APAF1: variants seen among roughly 807,000 people sequenced by gnomAD.
The protein encoded by APAF1 is apoptotic protease-activating factor 1.
APAF1 carries 91 observed loss-of-function variants against 152.4 expected under a neutral mutation model. The ratio of observed to expected loss-of-function variants is 0.60; its 90% CI spans 0.50 to 0.71. The LOEUF (loss-of-function observed/expected upper bound fraction) is 0.71, where lower values mean the gene tolerates loss of function less well. APAF1 is among the 30% of genes least tolerant of loss of function. The probability of loss-of-function intolerance (pLI) is 0.00; values close to 1 mark genes in which losing one functional copy is unlikely to be tolerated. For synonymous variants in APAF1, 484 were observed against 494.1 expected (o/e 0.98, Z 0.27); for missense variants, 1,283 against 1,472.0 (o/e 0.87, Z 2.10).
Position 98,648,733 on chromosome 12 carries a change from T to A in APAF1, c.246T>A (p.Asp82Glu), listed in dbSNP as rs1320603249. Residue 82 changes from aspartate (D) to glutamate (E), a missense_variant, in exon 3 of 27, where the codon GAT (aspartate) becomes GAA (glutamate). Physicochemically the swap from Asp to Glu is conservative, Grantham distance 45. Transcript: ENST00000551964. Reference sequence around the variant, plus strand: ...CTCTACTACATGAAGGATATAAAGATCTTGCTGCCCTTCTCCATGATGGCA... The same window carrying A: ...CTCTACTACATGAAGGATATAAAGAACTTGCTGCCCTTCTCCATGATGGCA... The part of the protein sequence containing the change: ...YNALLHEGYK[D>E]LAALLHDGIP... 6.2e-7 allele frequency: 1 copy of A among 1,614,036 alleles called. No individual in the cohort carries two copies.
chr12:98,669,017 T>C (rs935464340), intron 10 of APAF1, among the ~76,000 whole-genome samples: 4 of 152,222 alleles, frequency 2.6e-5, no homozygotes, highest in African/African-American at 9.6e-5. Flanking sequence ...TGCTCAGGTA[T>C]GTTATTTCTT....
intron 12 of APAF1, among the ~76,000 whole-genome samples, chr12:98,675,895 T>C (rs1046878569): frequency 6.6e-6 from 1 of 152,254 alleles, no homozygotes; most frequent in Non-Finnish European, 1.5e-5. Context: ...TGTGTGTGGT[T>C]AAGTTTTTTG....
At chr12:98,716,929 G>T (rs1426771656) in intron 22 of APAF1, among the ~76,000 whole-genome samples, 1 of 151,710 alleles carries the variant, frequency 6.6e-6, no homozygotes, top group Non-Finnish European at 1.5e-5. Flanking sequence ...GCAGTGGCGC[G>T]ATCTTGGCTC....
At chr12:98,653,692 ATATAT>A (rs1381616244) in intron 4 of APAF1, among the ~76,000 whole-genome samples, 1 of 15,062 alleles carries the variant, frequency 6.6e-5, no homozygotes, top group African/African-American at 2.3e-4. Context: ...AAAAAAAAAA[ATATAT>A]ATATATATAT....
chr12:98,697,873 G>T (rs1201909030), intron 16 of APAF1, among the ~76,000 whole-genome samples: 2 of 152,080 alleles, frequency 1.3e-5, no homozygotes, highest in Non-Finnish European at 2.9e-5. Context: ...CATTTTGTAG[G>T]GTATCATGTT....
intron 9 of APAF1, among the ~76,000 whole-genome samples, chr12:98,666,823 G>A (rs1276371394): frequency 6.6e-6 from 1 of 151,356 alleles, no homozygotes; most frequent in Non-Finnish European, 1.5e-5. Flanking sequence ...TTTCTCAGTG[G>A]CGTCATAGGC....
At chr12:98,723,152 TC>T (rs770582842) in intron 22 of APAF1, 40 bp from the exon 23 acceptor site, 71 of 1,603,000 alleles carry the variant, frequency 4.4e-5, no homozygotes, top group Non-Finnish European at 1.7e-5. Context: ...TGAGATAGGA[TC>T]GGGGGAGGAT....
rs748810396 is a variant in APAF1 at position 98,718,399 on chromosome 12, A to AT, written c.3084+2854dup. ...AGGCACCTGCCATCACATGCAGCTAATTTTTTTGTATTTTTAGTAGAGACA... is the reference window on the plus strand; with the variant it reads ...AGGCACCTGCCATCACATGCAGCTAATTTTTTTTGTATTTTTAGTAGAGACA... On this transcript the variant is annotated intron_variant, in intron 22 of 26. Transcript: ENST00000551964. Among the ~76,000 whole-genome samples the AT allele has an allele frequency of 4.3e-4, 65 of 151,810 alleles. 1 individual carries two copies. Among genetic ancestry groups the AT allele is most frequent in the Non-Finnish European group, 7.9e-4 (54 of 67,950 alleles).
chr12:98,648,476 A>C lies in APAF1; in HGVS notation c.117A>C (p.Glu39Asp). Residue 39 changes from glutamate to aspartate, a missense_variant, in exon 2 of 27, where the codon GAA becomes GAC. Transcript: ENST00000551964. ...MISDGFLTIS[E>D]EEKVRNEPTQ... ...GTGATGGATTTTTAACAATATCAGA[A>C]GAGGAAAAAGTAAGAAATGAGGTAA... 1 of 1,613,932 alleles carries C rather than the reference A, an allele frequency of 6.2e-7. No homozygotes were observed. The highest frequency in any genetic ancestry group is 8.5e-7 in the Non-Finnish European group (1 of 1,179,928).
At chr12:98,691,944 A>G (rs2097704677) in intron 16 of APAF1, among the ~76,000 whole-genome samples, 1 of 152,142 alleles carries the variant, frequency 6.6e-6, no homozygotes, top group South Asian at 2.1e-4. Context: ...GTCATCTGCA[A>G]CCTTCATTTT....
At chr12:98,708,483 A>G in intron 19 of APAF1, 102 bp from the exon 20 acceptor site, 1 of 1,186,148 alleles carries the variant, frequency 8.4e-7, no homozygotes, top group Non-Finnish European at 1.2e-6. Flanking sequence ...AAACCTTTCT[A>G]GCATCATAGG....
rs1444871075 is a variant in APAF1 at position 98,666,248 on chromosome 12, T to C, written c.1253T>C (p.Phe418Ser). The C allele has an allele frequency of 3.1e-6, 5 of 1,613,852 alleles. No homozygotes were observed. The highest frequency in any genetic ancestry group is 4.2e-6 in the Non-Finnish European group (5 of 1,179,772). ...GAAGTTGAAGACATACTGCAGGAGT[T>C]TGTAAATAAGTCTCTTTTATTCTGT... ...TEEVEDILQE[F>S]VNKSLLFCDR... The change falls in exon 9 of 27, where the codon TTT becomes TCT. Residue 418 changes from phenylalanine to serine, a missense_variant. Transcript: ENST00000551964.
Position 98,683,142 on chromosome 12 carries a change from G to A in APAF1, c.2047-1G>A. ...GTAAATTTTTTCTCTTTTCTCTTTAGATTTGGAATTCTATGACTGGGGAAC... is the reference window on the plus strand; with the variant it reads ...GTAAATTTTTTCTCTTTTCTCTTTAAATTTGGAATTCTATGACTGGGGAAC... On this transcript the variant is annotated splice_acceptor_variant, in intron 14 of 26. Transcript: ENST00000551964. LOFTEE classifies it high-confidence loss of function. 2 of 1,612,296 alleles carry A rather than the reference G, an allele frequency of 1.2e-6. No homozygotes were observed. Among genetic ancestry groups the A allele is most frequent in the Non-Finnish European group, 1.7e-6 (2 of 1,179,038 alleles).
At chr12:98,687,952 C>T (rs979695199) in intron 16 of APAF1, among the ~76,000 whole-genome samples, 3 of 152,140 alleles carry the variant, frequency 2.0e-5, no homozygotes, top group African/African-American at 4.8e-5. Flanking sequence ...GATAGGAGTA[C>T]AGGCGCCTGC....
At chr12:98,698,655 CT>C (rs1209622605) in intron 16 of APAF1, among the ~76,000 whole-genome samples, 1 of 152,148 alleles carries the variant, frequency 6.6e-6, no homozygotes, top group Admixed American at 6.6e-5. Flanking sequence ...GACTTAAAGC[CT>C]GAGCAGCAGC....
chr12:98,689,556 C>T (rs2097701975), intron 16 of APAF1, among the ~76,000 whole-genome samples: 2 of 151,848 alleles, frequency 1.3e-5, no homozygotes, highest in African/African-American at 4.8e-5. Flanking sequence ...TCTGGGCTAA[C>T]TAAAGTGATC....
At chr12:98,730,429 T>G (rs905775494) in intron 26 of APAF1, among the ~76,000 whole-genome samples, 1 of 152,240 alleles carries the variant, frequency 6.6e-6, no homozygotes, top group Non-Finnish European at 1.5e-5. Context: ...CTCCACAGAA[T>G]TCCATCACAT....
At chr12:98,720,758 G>A (rs1003426624) in intron 22 of APAF1, among the ~76,000 whole-genome samples, 1 of 152,292 alleles carries the variant, frequency 6.6e-6, no homozygotes, top group East Asian at 1.9e-4. Flanking sequence ...GAGGTCAGGA[G>A]ATCGAGACCA....
intron 20 of APAF1, among the ~76,000 whole-genome samples, chr12:98,709,317 C>CGG (rs2097725246): frequency 6.6e-6 from 1 of 152,212 alleles, no homozygotes; most frequent in South Asian, 2.1e-4. Flanking sequence ...TGTTCTCCTT[C>CGG]TGCCACCCAA....
Sources: allele counts gnomAD v4.1 joint callset (sites outside exome capture counted in the v4.1 genomes callset), GRCh38; gene constraint gnomAD v4.1.1; transcripts MANE v1.5; gene names NCBI Gene and HGNC (gene_info 2026-07-23, HGNC 2026-07-21).